ADGRB1: variants seen among roughly 807,000 people sequenced by gnomAD.
The protein encoded by ADGRB1 is brain-specific angiogenesis inhibitor 1.
In ADGRB1, 36 loss-of-function variants were observed where a neutral mutation model predicts 175.7. That is an observed-to-expected ratio of 0.20 (90% CI 0.16 to 0.27). ADGRB1 has a LOEUF of 0.27. Ranked by LOEUF, ADGRB1 falls within the 10% of genes least tolerant of loss-of-function variation. ADGRB1 has a pLI of 1.00. For synonymous variants in ADGRB1, 1,054 were observed against 979.4 expected (o/e 1.08, Z -1.42); for missense variants, 1,731 against 2,255.3 (o/e 0.77, Z 4.71).
At chr8:142,465,011 CAG>C in intron 2 of ADGRB1, 29 bp downstream of exon 2, 1 of 1,279,332 alleles carries the variant, frequency 7.8e-7, no homozygotes, top group Non-Finnish European at 1.0e-6. Flanking sequence ...AACCTTCGGA[CAG>C]GGGAGGTGGG....
chr8:142,510,188 C>G lies in ADGRB1; in HGVS notation c.2676-744C>G, dbSNP rs1843008048. Among the ~76,000 whole-genome samples, 1 of 152,144 alleles carries G rather than the reference C, an allele frequency of 6.6e-6. No homozygotes were observed. Among genetic ancestry groups the G allele is most frequent in the Non-Finnish European group, 1.5e-5 (1 of 68,020 alleles). ...GGTCAGTCCCTGGTGCACCAAGTAA[C>G]AAGTCCTGTGCTTAAATGCGTGCTC... is the stretch of plus-strand genomic sequence containing the variant. On this transcript the variant is annotated intron_variant, in intron 17 of 30. Transcript: ENST00000517894. The surrounding 1 kb of genome is among the most constrained non-coding windows in gnomAD (Gnocchi z 6.3).
At position 142,474,787 on chromosome 8, in the gene ADGRB1, G is replaced by A. The variant is rs1470593375; in HGVS notation, c.785-687G>A. 1.3e-5 allele frequency among the ~76,000 whole-genome samples: 2 copies of A among 152,154 alleles called. No individual in the cohort carries two copies. Among genetic ancestry groups the A allele is most frequent in the Admixed American group, 6.5e-5 (1 of 15,282 alleles). On this transcript the variant is annotated intron_variant, in intron 2 of 30. Transcript: ENST00000517894. This position sits in a 1 kb window ranked among gnomAD's most constrained non-coding sequence, Gnocchi z 5.8. Reference sequence around the variant, plus strand: ...GCTGAACAGAGCGGCCGGGGTCAGGGCAGGGGCGTGGCGGGGAGGCGCCTG... The same window carrying A: ...GCTGAACAGAGCGGCCGGGGTCAGGACAGGGGCGTGGCGGGGAGGCGCCTG...
chr8:142,520,958 C>G, intron 20 of ADGRB1, 33 bp downstream of exon 20: 1 of 1,579,270 alleles, frequency 6.3e-7, no homozygotes, highest in Non-Finnish European at 8.7e-7. Context: ...ATGCACTTCC[C>G]AACATCCTCG....
At chr8:142,491,019 A>G (rs1018947504) in intron 17 of ADGRB1, among the ~76,000 whole-genome samples, 3 of 152,098 alleles carry the variant, frequency 2.0e-5, no homozygotes, top group African/African-American at 7.2e-5. Flanking sequence ...CCTCCCAGGG[A>G]TGTCCACAGT....
intron 1 of ADGRB1, among the ~76,000 whole-genome samples, chr8:142,463,643 C>T (rs1434342465): frequency 6.6e-6 from 1 of 152,256 alleles, no homozygotes; most frequent in Non-Finnish European, 1.5e-5. Flanking sequence ...GGCCAGGGCC[C>T]CCGGGAGCCA....
chr8:142,505,994 C>T (rs966743691), intron 17 of ADGRB1, among the ~76,000 whole-genome samples: 6 of 152,196 alleles, frequency 3.9e-5, no homozygotes, highest in Admixed American at 1.3e-4. Flanking sequence ...CACGCGCAGG[C>T]GTCCTGGCTG....
chr8:142,500,280 CACCT>C lies in ADGRB1; in HGVS notation c.2675+9466_2675+9469del, dbSNP rs1842437544. On this transcript the variant is annotated intron_variant, in intron 17 of 30. Coordinates refer to ENST00000517894, the MANE Select transcript of ADGRB1 (RefSeq NM_001702.3). ...TCCACCTCCCCACGCGCCGCTCCTC[CACCT>C]CCCCACGCGCCGCTCCTCCACCTCC... Among the ~76,000 whole-genome samples, 13 of 90,242 alleles carry C rather than the reference CACCT, an allele frequency of 1.4e-4. 2 individuals carry two copies. Among genetic ancestry groups the C allele is most frequent in the Non-Finnish European group, 2.1e-4 (8 of 38,524 alleles). The allele number at this position is 90,242 out of a possible 152,430, so 59.2% of individuals were successfully genotyped here.
chr8:142,480,497 A>G (rs1272045684), intron 9 of ADGRB1, among the ~76,000 whole-genome samples: 1 of 152,086 alleles, frequency 6.6e-6, no homozygotes, highest in African/African-American at 2.4e-5. Context: ...TTCTGATTAC[A>G]GAACAGGGCA....
At chr8:142,463,433 G>T (rs1168965839) in intron 1 of ADGRB1, among the ~76,000 whole-genome samples, 2 of 152,254 alleles carry the variant, frequency 1.3e-5, no homozygotes, top group African/African-American at 4.8e-5. Flanking sequence ...CAGACGGGAG[G>T]CTGGGGAATG....
chr8:142,469,743 G>A (rs547763814), intron 2 of ADGRB1, among the ~76,000 whole-genome samples: 4 of 152,046 alleles, frequency 2.6e-5, no homozygotes, highest in Admixed American at 6.5e-5. Flanking sequence ...GTGTGTGAAT[G>A]TGTGAGTGCC....
At chr8:142,521,890 G>C in intron 20 of ADGRB1, 75 bp from the exon 21 acceptor site, 1 of 1,505,654 alleles carries the variant, frequency 6.6e-7, no homozygotes, top group African/African-American at 1.4e-5. Flanking sequence ...GCCAGCTGCA[G>C]ACAGGCACTC....
chr8:142,521,266 C>T (rs899862275), intron 20 of ADGRB1, among the ~76,000 whole-genome samples: 1 of 152,150 alleles, frequency 6.6e-6, no homozygotes, highest in East Asian at 1.9e-4. Context: ...GCACTCAAGA[C>T]GAGTGGCACT....
intron 1 of ADGRB1, among the ~76,000 whole-genome samples, 163 bp downstream of exon 1, chr8:142,450,267 A>G (rs1404844716): frequency 7.9e-6 from 1 of 127,100 alleles, no homozygotes; most frequent in Admixed American, 7.4e-5. Flanking sequence ...TTGGACCCCC[A>G]CCCCCTACCC....
Position 142,464,535 on chromosome 8 carries a change from AC to A in ADGRB1, c.339del (p.Tyr114ThrfsTer123). Reference sequence around the variant, plus strand: ...CGACTCCTTCCTCGAGTCCACGCGCACCTACCTGGGCGTGGAGAGCTTCGAC... The same window carrying A: ...CGACTCCTTCCTCGAGTCCACGCGCACTACCTGGGCGTGGAGAGCTTCGAC... ...QFDSFLESTR[T>X]YLGVESFDEV... On this transcript the variant is annotated frameshift_variant, in exon 2 of 31. Transcript: ENST00000517894. LOFTEE classifies it high-confidence loss of function. 6.4e-7 allele frequency: 1 copy of A among 1,568,334 alleles called. No individual in the cohort carries two copies. The highest frequency in any genetic ancestry group is 8.6e-7 in the Non-Finnish European group (1 of 1,159,958).
At chr8:142,518,792 C>T (rs569530303) in intron 19 of ADGRB1, among the ~76,000 whole-genome samples, 2 of 152,242 alleles carry the variant, frequency 1.3e-5, no homozygotes, top group African/African-American at 4.8e-5. Context: ...AGGCACTCCC[C>T]GCTATCTGCT....
Position 142,544,288 on chromosome 8 carries a change from G to A in ADGRB1, c.4626G>A (p.Thr1542=), listed in dbSNP as rs1006191676. The change falls in exon 31 of 31, where the codon ACG becomes ACA. Residue 1542 remains threonine (T), a synonymous_variant. Transcript: ENST00000517894. ...TCCGGAAAGCCCACGGGACGCCCACGTGGGTGAAGAAGGAGCTGGAGCCGC... is the reference window on the plus strand; with the variant it reads ...TCCGGAAAGCCCACGGGACGCCCACATGGGTGAAGAAGGAGCTGGAGCCGC... The part of the protein sequence containing the change: ...ESLRKAHGTP[T]WVKKELEPLQ... 1.0e-5 allele frequency: 16 copies of A among 1,549,282 alleles called. No individual in the cohort carries two copies. The highest frequency in any genetic ancestry group is 3.9e-5 in the Admixed American group (2 of 50,942).
chr8:142,519,695 T>G (rs1197152534), intron 19 of ADGRB1, among the ~76,000 whole-genome samples: 20 of 73,710 alleles, frequency 2.7e-4, no homozygotes, highest in East Asian at 1.2e-3. Flanking sequence ...TAGTGGTGGT[T>G]GTGATGGTGT....
At chr8:142,512,112 C>T (rs747313050) in intron 18 of ADGRB1, among the ~76,000 whole-genome samples, 2 of 152,226 alleles carry the variant, frequency 1.3e-5, no homozygotes, top group African/African-American at 4.8e-5. Flanking sequence ...CCGGATGGGA[C>T]CCTCCAGGCC....
intron 1 of ADGRB1, 111 bp from the exon 2 acceptor site, chr8:142,463,869 T>A: frequency 4.2e-6 from 1 of 238,154 alleles, no homozygotes; most frequent in Non-Finnish European, 8.1e-6. Flanking sequence ...AAAGTCCTCC[T>A]GCCCTCGTTG....
Sources: gnomAD v4.1 joint callset for allele counts (sites outside exome capture counted in the v4.1 genomes callset) on GRCh38, gnomAD v4.1.1 for gene constraint, Gnocchi (gnomAD v3.1) non-coding constraint, MANE v1.5 for transcripts, NCBI Gene and HGNC (gene_info 2026-07-23, HGNC 2026-07-21) for gene names.